The following AGK variants were observed in gnomAD, a reference collection of about 807,000 sequenced individuals.
AGK encodes acylglycerol kinase, mitochondrial.
Under a neutral mutation model 66.4 loss-of-function variants are expected in AGK, and 52 were observed. That is an observed-to-expected ratio of 0.78 (90% CI 0.63 to 0.99). AGK has a LOEUF of 0.99. Among genes scored for constraint, AGK ranks in the 50% least tolerant of loss-of-function variants. AGK has a pLI of 0.00. For missense variants in AGK, 451 were observed against 506.6 expected (o/e 0.89, Z 1.05); for synonymous variants, 182 against 181.1 (o/e 1.00, Z -0.04).
intron 2 of AGK, among the ~76,000 whole-genome samples, chr7:141,569,662 A>G (rs1029937186): frequency 6.6e-6 from 1 of 152,246 alleles, no homozygotes; most frequent in African/African-American, 2.4e-5. Context: ...TGAGATGGTT[A>G]TTAATCTCAT....
chr7:141,576,926 G>T (rs1288878533), intron 2 of AGK, among the ~76,000 whole-genome samples: 1 of 152,202 alleles, frequency 6.6e-6, no homozygotes, highest in Admixed American at 6.5e-5. Context: ...TGTAGTCCCA[G>T]CTACTCGGGA....
chr7:141,624,584 A>G (rs1233714584), intron 9 of AGK, among the ~76,000 whole-genome samples: 1 of 152,190 alleles, frequency 6.6e-6, no homozygotes, highest in Non-Finnish European at 1.5e-5. Context: ...GGAACTGCAG[A>G]TGTAGTAGAA....
At chr7:141,626,609 G>A (rs1587142884) in intron 9 of AGK, among the ~76,000 whole-genome samples, 1 of 152,160 alleles carries the variant, frequency 6.6e-6, no homozygotes. Flanking sequence ...GTATTTTGCT[G>A]CACAAAGTGT....
At chr7:141,575,153 C>T (rs1004514247) in intron 2 of AGK, among the ~76,000 whole-genome samples, 1 of 152,144 alleles carries the variant, frequency 6.6e-6, no homozygotes, top group Non-Finnish European at 1.5e-5. Flanking sequence ...TATGGTGGAA[C>T]AGTGGACAGC....
chr7:141,641,128 G>A (rs989624238), intron 11 of AGK, 120 bp from the exon 12 acceptor site: 2 of 838,218 alleles, frequency 2.4e-6, no homozygotes, highest in Admixed American at 5.9e-5. Context: ...CCAGTGAGAG[G>A]AGATTATTAG....
chr7:141,581,966 T>G (rs766120467), intron 2 of AGK, among the ~76,000 whole-genome samples: 10 of 151,956 alleles, frequency 6.6e-5, no homozygotes, highest in Non-Finnish European at 1.5e-4. Context: ...GAAGGTAATG[T>G]GGAGTGGGTA....
intron 9 of AGK, among the ~76,000 whole-genome samples, chr7:141,633,538 A>G (rs1046861062): frequency 5.3e-5 from 8 of 152,212 alleles, no homozygotes; most frequent in Admixed American, 3.9e-4. Flanking sequence ...ATGCAGGCTT[A>G]AGTTATCTTT....
At chr7:141,557,766 CTTG>C (rs2116849216) in intron 2 of AGK, among the ~76,000 whole-genome samples, 1 of 152,288 alleles carries the variant, frequency 6.6e-6, no homozygotes, top group East Asian at 1.9e-4. Flanking sequence ...AATGCAAACT[CTTG>C]TTGTCCTATT....
intron 2 of AGK, among the ~76,000 whole-genome samples, chr7:141,591,505 A>G (rs1019968744): frequency 2.0e-5 from 3 of 152,150 alleles, no homozygotes; most frequent in African/African-American, 4.8e-5. Context: ...CAGCCTGGCT[A>G]TGGAATCACT....
At chr7:141,592,458 T>C (rs1013886760) in intron 2 of AGK, among the ~76,000 whole-genome samples, 2 of 152,176 alleles carry the variant, frequency 1.3e-5, no homozygotes, top group African/African-American at 4.8e-5. Flanking sequence ...GTGGTTAGAT[T>C]GGGCCCATCT....
At chr7:141,582,130 C>A (rs190245022) in intron 2 of AGK, among the ~76,000 whole-genome samples, 1 of 151,836 alleles carries the variant, frequency 6.6e-6, no homozygotes, top group East Asian at 1.9e-4. Context: ...CAGTCAGAGC[C>A]TTGGGCCGGT....
At chr7:141,616,574 G>C (rs1796704701) in intron 8 of AGK, among the ~76,000 whole-genome samples, 1 of 151,800 alleles carries the variant, frequency 6.6e-6, no homozygotes, top group African/African-American at 2.4e-5. Context: ...ATTTTAATAA[G>C]CATCTTAGTC....
At position 141,602,173 on chromosome 7, in the gene AGK, T is replaced by TTGTGTGTGTGTGTGTGTGTGTGTGTGTG. The variant is rs71172608; in HGVS notation, c.297+905_297+932dup. 9.4e-3 allele frequency among the ~76,000 whole-genome samples: 1,176 copies of TTGTGTGTGTGTGTGTGTGTGTGTGTGTG among 125,234 alleles called. 47 individuals are homozygous for TTGTGTGTGTGTGTGTGTGTGTGTGTGTG. Among genetic ancestry groups the TTGTGTGTGTGTGTGTGTGTGTGTGTGTG allele is most frequent in the East Asian group, 0.021 (79 of 3,830 alleles). The allele number at this position is 125,234 out of a possible 152,430, so 82.2% of individuals were successfully genotyped here. On this transcript the variant is annotated intron_variant, in intron 5 of 15. Coordinates refer to ENST00000649286, the MANE Select transcript of AGK (RefSeq NM_018238.4). The stretch of plus-strand genomic sequence containing the variant: ...GAGCTTTCCTTGAGGGGAGATTTTC[T>TTGTGTGTGTGTGTGTGTGTGTGTGTGTG]TGTGTGTGTGTGTGTGTGTGTGTGT...
At chr7:141,617,287 T>G (rs1796727629) in intron 8 of AGK, among the ~76,000 whole-genome samples, 1 of 152,070 alleles carries the variant, frequency 6.6e-6, no homozygotes, top group South Asian at 2.1e-4. Flanking sequence ...TTACACAGAG[T>G]GTGGCAACCC....
chr7:141,562,067 A>C lies in AGK; in HGVS notation c.101+6500A>C, dbSNP rs564614160. 314 of 456,324 alleles carry C rather than the reference A, an allele frequency of 6.9e-4. 1 individual carries two copies. Among genetic ancestry groups the C allele is most frequent in the Non-Finnish European group, 1.1e-3 (247 of 226,800 alleles). The allele number at this position is 456,324 out of a possible 1,614,324, so 28.3% of individuals were successfully genotyped here. On this transcript the variant is annotated intron_variant, in intron 2 of 15. Coordinates refer to ENST00000649286, the MANE Select transcript of AGK (RefSeq NM_018238.4). ...CAGCACCTGCTGTGGTGGAGGTGGC[A>C]GGGGAATGATGTAGACTCTGTGAGG...
At chr7:141,629,506 G>A (rs1275524859) in intron 9 of AGK, among the ~76,000 whole-genome samples, 1 of 152,144 alleles carries the variant, frequency 6.6e-6, no homozygotes, top group African/African-American at 2.4e-5. Context: ...TTGTCCATCT[G>A]ACCTTGCATG....
At chr7:141,566,679 G>T (rs1407078503) in intron 2 of AGK, among the ~76,000 whole-genome samples, 1 of 152,130 alleles carries the variant, frequency 6.6e-6, no homozygotes, top group African/African-American at 2.4e-5. Context: ...AGTGCATATT[G>T]ATGTTCTGTC....
rs1019403399 is a variant in AGK, at chr7:141,641,701, G to A, written c.878-110G>A. The A allele has an allele frequency of 9.0e-6, 8 of 888,672 alleles. No individual in the cohort carries two copies. The African/African-American group carries it at 1.0e-4, about 11-fold the overall frequency. The allele number at this position is 888,672 out of a possible 1,614,324, so 55.0% of individuals were successfully genotyped here. ...ATGAAATAAATAAAATGAAGGCAGAGTCAGCAGAAAGGTTGAGAAGCTGAG... is the reference window on the plus strand; with the variant it reads ...ATGAAATAAATAAAATGAAGGCAGAATCAGCAGAAAGGTTGAGAAGCTGAG... On this transcript the variant is annotated intron_variant, in intron 12 of 15. Coordinates refer to ENST00000649286, the MANE Select transcript of AGK (RefSeq NM_018238.4).
chr7:141,630,447 GGT>G (rs1797030676), intron 9 of AGK, among the ~76,000 whole-genome samples: 1 of 152,060 alleles, frequency 6.6e-6, no homozygotes, highest in East Asian at 1.9e-4. Flanking sequence ...AAGTAAATGA[GGT>G]GATGAATATT....
Sources: gnomAD v4.1 joint callset for allele counts (sites outside exome capture counted in the v4.1 genomes callset) on GRCh38, gnomAD v4.1.1 for gene constraint, MANE v1.5 for transcripts, NCBI Gene and HGNC (gene_info 2026-07-23, HGNC 2026-07-21) for gene names.